Variants in MYCBPAP observed in about 807,000 individuals in gnomAD.
MYCBPAP encodes the protein MYCBP associated protein.
MYCBPAP carries 60 observed loss-of-function variants against 106.1 expected under a neutral mutation model. The observed-to-expected ratio is 0.57, with a 90% CI of 0.46 to 0.70. The LOEUF is 0.70. Among genes scored for constraint, MYCBPAP ranks in the 30% least tolerant of loss-of-function variants. The pLI, the probability that MYCBPAP is intolerant of heterozygous loss-of-function variation, is 0.00. For synonymous variants in MYCBPAP, 407 were observed against 440.6 expected (o/e 0.92, Z 0.95); for missense variants, 1,064 against 1,169.3 (o/e 0.91, Z 1.31).
intron 14 of MYCBPAP, among the ~76,000 whole-genome samples, chr17:50,526,677 G>A (rs951237126): frequency 2.1e-4 from 32 of 152,282 alleles, no homozygotes; most frequent in African/African-American, 7.7e-4. Context: ...CTGCCTCCCG[G>A]GTTCAAGTGA....
intron 7 of MYCBPAP, 174 bp downstream of exon 7, chr17:50,519,961 T>A: frequency 1.6e-6 from 1 of 619,936 alleles, no homozygotes; most frequent in Non-Finnish European, 2.7e-6. Flanking sequence ...TCCCTCTTCT[T>A]TTTCTTCAGT....
Position 50,517,580 on chromosome 17 carries a change from C to G in MYCBPAP, c.365-15C>G. On this transcript the variant is annotated splice_polypyrimidine_tract_variant and intron_variant, in intron 3 of 18. Coordinates refer to ENST00000323776, the MANE Select transcript of MYCBPAP (RefSeq NM_032133.6). ...ACCCACAGCTTCTTTCCCCTTTCTT[C>G]TTTTATCCTCCCAGGTCCCGGTGAC... 6.2e-7 allele frequency: 1 copy of G among 1,614,096 alleles called. No homozygotes were observed. The highest frequency in any genetic ancestry group is 8.5e-7 in the Non-Finnish European group (1 of 1,179,954).
Position 50,523,013 on chromosome 17 carries a change from G to A in MYCBPAP, c.1332G>A (p.Val444=), listed in dbSNP as rs936582652. 67 of 1,614,084 alleles carry A rather than the reference G, an allele frequency of 4.2e-5. No homozygotes were observed. The highest frequency in any genetic ancestry group is 5.6e-5 in the Non-Finnish European group (66 of 1,180,022). Residue 444 remains valine, a synonymous_variant, in exon 11 of 19, where the codon GTG becomes GTA. Transcript: ENST00000323776. ...AGAAAACCTCCTCAGAACTGACTGT[G>A]GTCAATAATGGCACCGTGGCCATTT... The part of the protein sequence containing the change: ...EGEKTSSELT[V]VNNGTVAIWY...
In MYCBPAP at chr17:50,517,779, T is replaced by A. The variant is rs1444806755; in HGVS notation, c.468+81T>A. The A allele has an allele frequency of 9.9e-6, 12 of 1,208,780 alleles. No individual in the cohort carries two copies. In the African/African-American group the frequency reaches 1.0e-4, roughly 11 times the overall value. 74.9% of individuals were successfully genotyped at this position (1,208,780 alleles called of 1,614,324 possible). A position where few individuals can be genotyped will look rare whatever the true frequency, so the allele number is the denominator to read the frequency against. The stretch of plus-strand genomic sequence containing the variant: ...CCCACCTGACACAGTCAAGCAGGGC[T>A]GGGGTTAAAGAGACAGTCTAGTCTG... On this transcript the variant is annotated intron_variant, in intron 4 of 18. Coordinates refer to ENST00000323776, the MANE Select transcript of MYCBPAP (RefSeq NM_032133.6).
At chr17:50,513,514 C>G (rs2033933318) in intron 1 of MYCBPAP, among the ~76,000 whole-genome samples, 1 of 152,150 alleles carries the variant, frequency 6.6e-6, no homozygotes, top group African/African-American at 2.4e-5. Context: ...CTCAGAATAA[C>G]CTTAGACCAG....
chr17:50,522,236 C>T lies in MYCBPAP; in HGVS notation c.1257+155C>T, dbSNP rs962530209. 8.9e-6 allele frequency: 5 copies of T among 564,618 alleles called. No homozygotes were observed. In the African/African-American group the frequency reaches 9.4e-5, roughly 11 times the overall value. 35.0% of individuals were successfully genotyped at this position (564,618 alleles called of 1,614,324 possible). On this transcript the variant is annotated intron_variant, in intron 10 of 18. Transcript: ENST00000323776. ...CTGAAAATGGTGACAGCAACACTGA[C>T]TTGAGCAAGAATAAAATCACAAGGC...
In MYCBPAP at chr17:50,523,655, T is replaced by A. The variant is rs2034356208; in HGVS notation, c.1506T>A (p.Ala502=). Residue 502 remains alanine (A), a synonymous_variant, in exon 12 of 19, where the codon GCT becomes GCA. Transcript: ENST00000323776. ...CCTTCTTCTTCAAGTCTTTGACTGC[T>A]GGGGTCTTCAGGGAATTTTGGGAGT... ...TFTFFFKSLT[A]GVFREFWEFR... The A allele has an allele frequency of 6.2e-7, 1 of 1,614,128 alleles. No individual in the cohort carries two copies. Among genetic ancestry groups the A allele is most frequent in the African/African-American group, 1.3e-5 (1 of 74,946 alleles).
intron 10 of MYCBPAP, 57 bp downstream of exon 10, chr17:50,522,138 AG>A (rs1355742128): frequency 4.8e-6 from 7 of 1,449,344 alleles, no homozygotes; most frequent in Non-Finnish European, 6.8e-6. Flanking sequence ...TGCAGCCCTG[AG>A]GTGACTGGCA....
Position 50,518,522 on chromosome 17 carries a change from C to T in MYCBPAP, c.469-19C>T. 6.5e-7 allele frequency: 1 copy of T among 1,549,106 alleles called. No individual in the cohort carries two copies. Among genetic ancestry groups the T allele is most frequent in the Non-Finnish European group, 8.7e-7 (1 of 1,151,808 alleles). On this transcript the variant is annotated intron_variant, in intron 4 of 18. Transcript: ENST00000323776. ...GAGCCTTCTTACTGCCCTCCACATA[C>T]CTATGTTGTACTTTTCAGCTGGCTG...
intron 12 of MYCBPAP, 42 bp downstream of exon 12, chr17:50,523,826 G>A (rs1364688825): frequency 5.1e-6 from 8 of 1,558,784 alleles, no homozygotes; most frequent in South Asian, 4.6e-5. Flanking sequence ...CATCAGGTAG[G>A]GTATCCTGGT....
At position 50,521,108 on chromosome 17, in the gene MYCBPAP, A is replaced by G. The variant is rs1190579150; in HGVS notation, c.917-2A>G. ...GCTGAGGGTCCTTGGACCTCATGCTAGGATTACCAGCCCAGAGGGACGCTT... is the reference window on the plus strand; with the variant it reads ...GCTGAGGGTCCTTGGACCTCATGCTGGGATTACCAGCCCAGAGGGACGCTT... On this transcript the variant is annotated splice_acceptor_variant, in intron 7 of 18. Coordinates refer to ENST00000323776, the MANE Select transcript of MYCBPAP (RefSeq NM_032133.6). LOFTEE classifies it high-confidence loss of function. 8 of 1,609,908 alleles carry G rather than the reference A, an allele frequency of 5.0e-6. No homozygotes were observed. The highest frequency in any genetic ancestry group is 1.3e-5 in the African/African-American group (1 of 74,978).
In MYCBPAP at chr17:50,510,497, G is replaced by GA. The variant is rs1555618043; in HGVS notation, c.76+1747_76+1748insA. 411 of 89,486 alleles carry GA rather than the reference G, an allele frequency of 4.6e-3. 4 individuals carry two copies. The highest frequency in any genetic ancestry group is 0.021 in the African/African-American group (399 of 19,442). 5.5% of individuals were successfully genotyped at this position (89,486 alleles called of 1,614,324 possible). On this transcript the variant is annotated intron_variant, in intron 1 of 18. Coordinates refer to ENST00000323776, the MANE Select transcript of MYCBPAP (RefSeq NM_032133.6). ...TATGTGTGTGTGTGTGTGTGTGTGT[G>GA]TGTATATATATATATATATATATAT...
Position 50,523,697 on chromosome 17 carries a change from T to C in MYCBPAP, c.1548T>C (p.Thr516=), listed in dbSNP as rs763330027. 1.9e-6 allele frequency: 3 copies of C among 1,614,170 alleles called. No individual in the cohort carries two copies. Among genetic ancestry groups the C allele is most frequent in the Non-Finnish European group, 1.7e-6 (2 of 1,180,010 alleles). The change falls in exon 12 of 19, where the codon ACT becomes ACC. Residue 516 remains threonine (T), a synonymous_variant. Transcript: ENST00000323776. The part of the protein sequence containing the change: ...REFWEFRTHP[T]LLGGAILQVN... ...TTTGGGAGTTTCGAACCCATCCTACTCTATTAGGAGGTGCTATACTGCAGG... is the reference window on the plus strand; with the variant it reads ...TTTGGGAGTTTCGAACCCATCCTACCCTATTAGGAGGTGCTATACTGCAGG...
intron 1 of MYCBPAP, among the ~76,000 whole-genome samples, chr17:50,513,621 G>T (rs961032364): frequency 6.6e-6 from 1 of 152,194 alleles, no homozygotes; most frequent in Non-Finnish European, 1.5e-5. Context: ...CGGCAGTGTT[G>T]AAAGTTTCTA....
chr17:50,516,759 G>C, intron 2 of MYCBPAP, 62 bp downstream of exon 2: 1 of 1,597,542 alleles, frequency 6.3e-7, no homozygotes, highest in Non-Finnish European at 8.5e-7. Flanking sequence ...AGCCTGAGTG[G>C]TCTAGAACAC....
chr17:50,514,032 A>C (rs2033954164), intron 1 of MYCBPAP, among the ~76,000 whole-genome samples: 1 of 152,226 alleles, frequency 6.6e-6, no homozygotes, highest in Non-Finnish European at 1.5e-5. Context: ...TGATAGGCTG[A>C]ATTTATTATT....
chr17:50,507,864 C>T (rs932211323), upstream of MYCBPAP, among the ~76,000 whole-genome samples: 19 of 152,162 alleles, frequency 1.2e-4, 1 homozygote, highest in Non-Finnish European at 2.2e-4. Flanking sequence ...CCGAAATAAT[C>T]CCAGAATGCC....
chr17:50,528,631 G>A lies in MYCBPAP; in HGVS notation c.2408-64G>A, dbSNP rs202142254. 8.0e-5 allele frequency: 127 copies of A among 1,579,746 alleles called. 1 individual carries two copies. In the South Asian group the frequency reaches 1.1e-3, roughly 14 times the overall value. On this transcript the variant is annotated intron_variant, in intron 16 of 18. Coordinates refer to ENST00000323776, the MANE Select transcript of MYCBPAP (RefSeq NM_032133.6). ...TCCACCTCCCCTCAAGCCTCCTCACGTACCTGCAGCATCCACTAGGCTGTT... is the reference window on the plus strand; with the variant it reads ...TCCACCTCCCCTCAAGCCTCCTCACATACCTGCAGCATCCACTAGGCTGTT...
chr17:50,515,675 GA>G (rs1258160154), intron 1 of MYCBPAP, among the ~76,000 whole-genome samples: 1 of 152,204 alleles, frequency 6.6e-6, no homozygotes, highest in African/African-American at 2.4e-5. Flanking sequence ...CAAAGATTCT[GA>G]GGCAGACATT....
Sources: gnomAD v4.1 joint callset for allele counts (sites outside exome capture counted in the v4.1 genomes callset) on GRCh38, gnomAD v4.1.1 for gene constraint, MANE v1.5 for transcripts, NCBI Gene and HGNC (gene_info 2026-07-23, HGNC 2026-07-21) for gene names.